The following SLCO6A1 variants were observed in gnomAD, a reference collection of about 807,000 sequenced individuals.
The protein encoded by SLCO6A1 is solute carrier organic anion transporter family member 6A1, also known as cancer/testis antigen 48.
A neutral mutation model predicts 72.7 loss-of-function variants in SLCO6A1; 65 were observed. That is an observed-to-expected ratio of 0.89 (90% confidence interval 0.73 to 1.10). The LOEUF (loss-of-function observed/expected upper bound fraction) is 1.10. SLCO6A1 is among the 50% of genes least tolerant of loss of function. The pLI, the probability that SLCO6A1 is intolerant of heterozygous loss-of-function variation, is 0.00. For synonymous variants in SLCO6A1, 314 were observed against 298.2 expected (o/e 1.05, Z -0.55); for missense variants, 874 against 872.6 (o/e 1.00, Z -0.02).
chr5:102,418,069 T>C (rs1003381114), intron 8 of SLCO6A1, among the ~76,000 whole-genome samples: 4 of 152,128 alleles, frequency 2.6e-5, no homozygotes, highest in African/African-American at 4.8e-5. Context: ...TCTGGGTTGA[T>C]ATAAAATTAA....
chr5:102,420,858 C>T (rs2112616221), intron 7 of SLCO6A1, among the ~76,000 whole-genome samples: 1 of 152,278 alleles, frequency 6.6e-6, no homozygotes, highest in East Asian at 1.9e-4. Context: ...CTCCAGTCTG[C>T]AGCTCCCAGA....
intron 9 of SLCO6A1, among the ~76,000 whole-genome samples, chr5:102,401,997 G>A (rs143232246): frequency 8.5e-5 from 13 of 152,074 alleles, no homozygotes; most frequent in African/African-American, 2.2e-4. Context: ...AAAATACAAC[G>A]AAGGGTTCAT....
intron 9 of SLCO6A1, among the ~76,000 whole-genome samples, chr5:102,409,187 T>C (rs966673401): frequency 1.3e-5 from 2 of 152,176 alleles, no homozygotes. Context: ...CAACAGCAGA[T>C]ATCTATTTTC....
intron 13 of SLCO6A1, among the ~76,000 whole-genome samples, chr5:102,372,839 T>C (rs1409494078): frequency 6.6e-6 from 1 of 151,920 alleles, no homozygotes; most frequent in Non-Finnish European, 1.5e-5. Context: ...TGTCAAATCA[T>C]AGATAAATAA....
At chr5:102,411,898 T>A (rs1748006072) in intron 9 of SLCO6A1, among the ~76,000 whole-genome samples, 3 of 152,184 alleles carry the variant, frequency 2.0e-5, no homozygotes, top group Non-Finnish European at 4.4e-5. Flanking sequence ...CTTTCAGGTC[T>A]TTCCAATCCT....
At chr5:102,379,618 G>A (rs1158098714) in intron 12 of SLCO6A1, among the ~76,000 whole-genome samples, 1 of 151,952 alleles carries the variant, frequency 6.6e-6, no homozygotes, top group Non-Finnish European at 1.5e-5. Context: ...ATGTGTTGAT[G>A]CTTGCACCAA....
At chr5:102,471,902 G>A (rs1031148540) in intron 4 of SLCO6A1, among the ~76,000 whole-genome samples, 3 of 152,076 alleles carry the variant, frequency 2.0e-5, no homozygotes, top group East Asian at 1.9e-4. Context: ...TCACAGCCCT[G>A]AATGTCATTG....
chr5:102,406,612 C>T (rs1001522730), intron 9 of SLCO6A1, among the ~76,000 whole-genome samples: 1 of 151,850 alleles, frequency 6.6e-6, no homozygotes, highest in Non-Finnish European at 1.5e-5. Flanking sequence ...TAAGTAGATT[C>T]ATAGGTGAAC....
rs540851204 is a variant in SLCO6A1 at position 102,398,362 on chromosome 5, G to A, written c.1814+1193C>T. Among the ~76,000 whole-genome samples, 3 of 152,130 alleles carry A rather than the reference G, an allele frequency of 2.0e-5. 1 individual carries two copies. Among genetic ancestry groups the A allele is most frequent in the Non-Finnish European group, 4.4e-5 (3 of 67,982 alleles). Reference sequence around the variant, plus strand: ...CTGGCTAATTTCTGTATTTTTAGTAGAGACAGGGTTTCACCATGTTGGCCA... The same window carrying A: ...CTGGCTAATTTCTGTATTTTTAGTAAAGACAGGGTTTCACCATGTTGGCCA... On this transcript the variant is annotated intron_variant, in intron 10 of 13. Coordinates refer to ENST00000506729, the MANE Select transcript of SLCO6A1 (RefSeq NM_173488.5).
chr5:102,402,366 G>A (rs1209350535), intron 9 of SLCO6A1, among the ~76,000 whole-genome samples: 1 of 152,136 alleles, frequency 6.6e-6, no homozygotes, highest in Non-Finnish European at 1.5e-5. Context: ...GTATTCTTGA[G>A]TCTGAAAATG....
intron 2 of SLCO6A1, among the ~76,000 whole-genome samples, chr5:102,478,552 C>T (rs1001199974): frequency 3.9e-5 from 6 of 152,056 alleles, no homozygotes; most frequent in Non-Finnish European, 7.4e-5. Flanking sequence ...CATTTCTTTC[C>T]GTTAGAGTTA....
At chr5:102,381,826 A>T (rs1746126650) in intron 12 of SLCO6A1, among the ~76,000 whole-genome samples, 1 of 147,138 alleles carries the variant, frequency 6.8e-6, no homozygotes, top group African/African-American at 2.5e-5. Context: ...TTAGTGATTT[A>T]GGCATTCAGA....
intron 1 of SLCO6A1, among the ~76,000 whole-genome samples, chr5:102,486,234 A>T (rs76634966): frequency 6.6e-6 from 1 of 152,172 alleles, no homozygotes. Flanking sequence ...AAAAATGTGT[A>T]CAAAGCACAA....
chr5:102,376,748 T>C (rs1745818863), intron 12 of SLCO6A1, among the ~76,000 whole-genome samples: 2 of 152,170 alleles, frequency 1.3e-5, no homozygotes, highest in South Asian at 4.1e-4. Flanking sequence ...GAATAATTCA[T>C]GAGATAGAGC....
intron 13 of SLCO6A1, among the ~76,000 whole-genome samples, chr5:102,373,018 G>T (rs1217775873): frequency 6.6e-6 from 1 of 151,722 alleles, no homozygotes; most frequent in African/African-American, 2.4e-5. Flanking sequence ...GCTAAAAAGG[G>T]AACCTAATTA....
chr5:102,498,978 G>A lies in SLCO6A1; in HGVS notation c.-134C>T. On this transcript the variant is annotated 5_prime_UTR_variant, in exon 1 of 14. Coordinates refer to ENST00000506729, the MANE Select transcript of SLCO6A1 (RefSeq NM_173488.5). ...GCCACAAGGGGCTCTTGCCGCCCAA[G>A]CCTCCAGAGCGAACGTTTCTCCTAG... is the stretch of plus-strand genomic sequence containing the variant. 1 of 814,772 alleles carries A rather than the reference G, an allele frequency of 1.2e-6. No individual in the cohort carries two copies. Among genetic ancestry groups the A allele is most frequent in the South Asian group, 1.7e-5 (1 of 58,866 alleles). The allele number at this position is 814,772 out of a possible 1,614,324, so 50.5% of individuals were successfully genotyped here.
intron 1 of SLCO6A1, among the ~76,000 whole-genome samples, chr5:102,486,732 GC>G (rs951849338): frequency 2.6e-5 from 4 of 152,038 alleles, no homozygotes; most frequent in African/African-American, 9.7e-5. Flanking sequence ...GCACATTTCT[GC>G]TTCACTGCTT....
chr5:102,419,334 C>T (rs1001925184), intron 8 of SLCO6A1, among the ~76,000 whole-genome samples: 1 of 152,172 alleles, frequency 6.6e-6, no homozygotes, highest in Non-Finnish European at 1.5e-5. Context: ...CCTTTGGTTT[C>T]CAATTCCAGT....
chr5:102,430,892 T>C (rs764770745), intron 7 of SLCO6A1, among the ~76,000 whole-genome samples: 1 of 152,166 alleles, frequency 6.6e-6, no homozygotes, highest in African/African-American at 2.4e-5. Flanking sequence ...TTTGTACATT[T>C]GGTAGAGTTT....
Sources: allele counts gnomAD v4.1 joint callset (sites outside exome capture counted in the v4.1 genomes callset), GRCh38; gene constraint gnomAD v4.1.1; transcripts MANE v1.5; gene names NCBI Gene and HGNC (gene_info 2026-07-23, HGNC 2026-07-21).